Variants in EXOC6 observed in about 807,000 individuals in gnomAD.
EXOC6 encodes SEC15-like 1.
A neutral mutation model predicts 112.5 loss-of-function variants in EXOC6; 60 were observed. The observed-to-expected ratio is 0.53, with a 90% CI of 0.43 to 0.66. EXOC6 has a LOEUF of 0.66. Ranked by LOEUF, EXOC6 falls within the 30% of genes least tolerant of loss-of-function variation. The probability of loss-of-function intolerance (pLI) is 0.00; values close to 1 mark genes in which losing one functional copy is unlikely to be tolerated. For missense variants in EXOC6, 855 were observed against 957.1 expected, an observed-to-expected ratio of 0.89 and a Z score of 1.41; for synonymous variants, 295 against 308.0, an observed-to-expected ratio of 0.96 and a Z score of 0.44.
chr10:92,996,391 C>T (rs964541007), intron 18 of EXOC6, among the ~76,000 whole-genome samples: 2 of 152,080 alleles, frequency 1.3e-5, no homozygotes, highest in African/African-American at 2.4e-5. Context: ...GAGGCCAAGG[C>T]GGGCGGATCA....
chr10:92,837,029 G>A (rs2133576712), intron 1 of EXOC6, among the ~76,000 whole-genome samples: 1 of 150,816 alleles, frequency 6.6e-6, no homozygotes. Context: ...CTCTATAAAG[G>A]TTACTAAGAT....
At chr10:92,854,983 A>G (rs565415626) in intron 1 of EXOC6, among the ~76,000 whole-genome samples, 2 of 152,286 alleles carry the variant, frequency 1.3e-5, no homozygotes, top group African/African-American at 4.8e-5. Context: ...CATTCCTAGG[A>G]TAAATCTCAT....
At chr10:92,992,296 A>T (rs895883557) in intron 18 of EXOC6, among the ~76,000 whole-genome samples, 47 of 151,452 alleles carry the variant, frequency 3.1e-4, no homozygotes, top group African/African-American at 9.7e-4. Context: ...TCAAAAAAAA[A>T]AAAAAAAAAA....
intron 20 of EXOC6, among the ~76,000 whole-genome samples, chr10:93,047,730 G>A (rs1055732093): frequency 1.3e-5 from 2 of 152,084 alleles, no homozygotes; most frequent in South Asian, 4.2e-4. Flanking sequence ...GGTGGATCAC[G>A]AGGTCAGGAG....
chr10:93,048,052 T>A (rs1200582138), intron 20 of EXOC6, among the ~76,000 whole-genome samples: 3 of 152,194 alleles, frequency 2.0e-5, no homozygotes, highest in African/African-American at 7.2e-5. Context: ...AGTTCATGTA[T>A]GACCTACATG....
chr10:92,996,311 A>G (rs1448215940), intron 18 of EXOC6, among the ~76,000 whole-genome samples: 1 of 152,204 alleles, frequency 6.6e-6, no homozygotes, highest in Non-Finnish European at 1.5e-5. Context: ...TTTACCTAAA[A>G]GAGTTTTTAT....
intron 20 of EXOC6, among the ~76,000 whole-genome samples, chr10:93,017,319 G>T (rs992450143): frequency 5.3e-5 from 8 of 151,902 alleles, no homozygotes; most frequent in African/African-American, 1.5e-4. Flanking sequence ...GGCTGGGCAC[G>T]GTGGCTCACA....
chr10:92,987,081 C>T (rs1196358874), intron 18 of EXOC6, among the ~76,000 whole-genome samples: 1 of 152,042 alleles, frequency 6.6e-6, no homozygotes, highest in African/African-American at 2.4e-5. Context: ...ATAATATATT[C>T]TCTATAGTTT....
chr10:93,010,840 A>G (rs1211986265), intron 19 of EXOC6, among the ~76,000 whole-genome samples: 1 of 152,112 alleles, frequency 6.6e-6, no homozygotes, highest in African/African-American at 2.4e-5. Context: ...TACTCAAGTA[A>G]GTTATTGTGA....
intron 18 of EXOC6, among the ~76,000 whole-genome samples, chr10:92,975,791 G>T (rs1372796735): frequency 2.3e-4 from 24 of 103,736 alleles, no homozygotes; most frequent in Admixed American, 6.2e-4. Context: ...GGAGGGAGGT[G>T]GGGGGGTCAG....
intron 17 of EXOC6, among the ~76,000 whole-genome samples, chr10:92,971,567 G>A (rs1324142663): frequency 1.3e-5 from 2 of 149,870 alleles, no homozygotes; most frequent in African/African-American, 4.9e-5. Context: ...GTAGAGATGG[G>A]GTCTCACCAT....
At chr10:92,978,613 AAAGAG>A (rs1321460893) in intron 18 of EXOC6, among the ~76,000 whole-genome samples, 2 of 152,230 alleles carry the variant, frequency 1.3e-5, no homozygotes, top group Non-Finnish European at 1.5e-5. Flanking sequence ...TGTTTTAAGC[AAAGAG>A]AAGAGGCAGA....
At chr10:92,848,156 CTGAG>C (rs1168909072), upstream of EXOC6, among the ~76,000 whole-genome samples, 1 of 152,150 alleles carries the variant, frequency 6.6e-6, no homozygotes, top group Non-Finnish European at 1.5e-5. Flanking sequence ...GGGTGATGAT[CTGAG>C]TGTCCACCTT....
chr10:92,875,880 T>TA (rs1386621294), intron 1 of EXOC6, among the ~76,000 whole-genome samples: 1 of 152,020 alleles, frequency 6.6e-6, no homozygotes, highest in Non-Finnish European at 1.5e-5. Context: ...AAAATAAAAA[T>TA]ACAATTTTTT....
chr10:92,843,885 G>GA (rs1440544583), upstream of EXOC6, among the ~76,000 whole-genome samples: 1 of 147,874 alleles, frequency 6.8e-6, no homozygotes, highest in Non-Finnish European at 1.5e-5. Context: ...TTACTCGGGA[G>GA]AGAACTGCTT....
At chr10:93,009,675 A>T (rs754675581) in intron 19 of EXOC6, among the ~76,000 whole-genome samples, 3 of 152,178 alleles carry the variant, frequency 2.0e-5, no homozygotes, top group Non-Finnish European at 4.4e-5. Flanking sequence ...GTTTACCCAG[A>T]TGGAAAATAA....
chr10:92,844,022 G>A (rs1163925613), upstream of EXOC6, among the ~76,000 whole-genome samples: 10 of 144,042 alleles, frequency 6.9e-5, no homozygotes, highest in Admixed American at 3.5e-4. Context: ...GTGGTGGCAC[G>A]TGCCTGTAGT....
At position 92,975,559 on chromosome 10, in the gene EXOC6, C is replaced by T. The variant is rs562648917; in HGVS notation, c.1953+1327C>T. ...AGCCCCCCAGCCGCCCCGTCCGGGA[C>T]GGAGGTGGGGGGATCAGCCCCCTGC... On this transcript the variant is annotated intron_variant, in intron 18 of 21. Coordinates refer to ENST00000260762, the MANE Select transcript of EXOC6 (RefSeq NM_019053.6). Among the ~76,000 whole-genome samples the T allele has an allele frequency of 2.9e-3, 394 of 135,916 alleles. 4 individuals carry two copies. Among genetic ancestry groups the T allele is most frequent in the African/African-American group, 0.011 (376 of 34,788 alleles). 89.2% of individuals were successfully genotyped at this position (135,916 alleles called of 152,430 possible).
chr10:92,977,272 A>G lies in EXOC6; in HGVS notation c.1953+3040A>G, dbSNP rs911718722. Among the ~76,000 whole-genome samples, 25 of 151,576 alleles carry G rather than the reference A, an allele frequency of 1.6e-4. 1 individual carries two copies. The highest frequency in any genetic ancestry group is 1.4e-3 in the Admixed American group (21 of 15,204). ...ATCCTCTCTCTGCTTGGAATGGGGA[A>G]AAAAAAAGGTAATTTTCCTCATCCT... On this transcript the variant is annotated intron_variant, in intron 18 of 21. Coordinates refer to ENST00000260762, the MANE Select transcript of EXOC6 (RefSeq NM_019053.6).
Sources: gnomAD v4.1 joint callset for allele counts (sites outside exome capture counted in the v4.1 genomes callset) on GRCh38, gnomAD v4.1.1 for gene constraint, MANE v1.5 for transcripts, NCBI Gene and HGNC (gene_info 2026-07-23, HGNC 2026-07-21) for gene names.